The following CDH13 variants were observed in gnomAD, a reference collection of about 807,000 sequenced individuals.
CDH13 encodes cadherin-13.
In CDH13, 24 loss-of-function variants were observed where a neutral mutation model predicts 63.8. That is an observed-to-expected ratio of 0.38 (90% CI 0.27 to 0.53). The LOEUF (loss-of-function observed/expected upper bound fraction) is 0.53, where lower values mean the gene tolerates loss of function less well. CDH13 is among the 20% of genes least tolerant of loss of function. CDH13 has a pLI of 0.85. For synonymous variants in CDH13, 503 were observed against 355.3 expected (o/e 1.42, Z -4.67); for missense variants, 1,049 against 903.1 (o/e 1.16, Z -2.07).
chr16:82,795,126 G>C (rs1344612465), intron 1 of CDH13, among the ~76,000 whole-genome samples: 4 of 152,174 alleles, frequency 2.6e-5, no homozygotes, highest in African/African-American at 9.7e-5. Flanking sequence ...GTGTGGGAAG[G>C]AGTCCATCTT....
intron 6 of CDH13, chr16:83,398,097 C>T (rs890690362): frequency 7.7e-6 from 1 of 129,066 alleles, no homozygotes; most frequent in Admixed American, 7.5e-5. Flanking sequence ...GCAGAATCCC[C>T]AGGAGGATTT....
chr16:83,694,334 T>A (rs1905176139), intron 10 of CDH13, among the ~76,000 whole-genome samples: 1 of 152,128 alleles, frequency 6.6e-6, no homozygotes, highest in African/African-American at 2.4e-5. Flanking sequence ...CCTGCTGCAG[T>A]GGGAGAGAAT....
At chr16:83,634,445 G>T (rs1217602639) in intron 8 of CDH13, among the ~76,000 whole-genome samples, 1 of 150,578 alleles carries the variant, frequency 6.6e-6, no homozygotes, top group Non-Finnish European at 1.5e-5. Context: ...CAGCCACCCA[G>T]GCTGGAGTGC....
At chr16:82,640,198 C>T (rs953574042) in intron 1 of CDH13, among the ~76,000 whole-genome samples, 2 of 152,312 alleles carry the variant, frequency 1.3e-5, no homozygotes, top group South Asian at 2.1e-4. Flanking sequence ...GTCCACCACA[C>T]CCTCTTGGGA....
intron 1 of CDH13, among the ~76,000 whole-genome samples, chr16:82,706,677 G>A (rs956804487): frequency 2.0e-5 from 3 of 151,700 alleles, no homozygotes; most frequent in African/African-American, 7.3e-5. Flanking sequence ...GGTGGTGGGT[G>A]CCTGTAATCC....
intron 2 of CDH13, among the ~76,000 whole-genome samples, chr16:82,906,073 T>A (rs1456462271): frequency 6.6e-6 from 1 of 152,212 alleles, no homozygotes; most frequent in Non-Finnish European, 1.5e-5. Context: ...CTGTCATCGA[T>A]CTATCTACCT....
chr16:82,657,075 G>A (rs1243697517), intron 1 of CDH13, among the ~76,000 whole-genome samples: 1 of 152,048 alleles, frequency 6.6e-6, no homozygotes, highest in African/African-American at 2.4e-5. Flanking sequence ...TATAGATCTT[G>A]TATATATACA....
At chr16:82,893,157 C>G (rs2041141157) in intron 2 of CDH13, among the ~76,000 whole-genome samples, 1 of 152,200 alleles carries the variant, frequency 6.6e-6, no homozygotes, top group Admixed American at 6.5e-5. Context: ...AAGCAAACCT[C>G]AAACAGAGAA....
chr16:82,749,463 A>T (rs940886149), intron 1 of CDH13, among the ~76,000 whole-genome samples: 1 of 152,202 alleles, frequency 6.6e-6, no homozygotes, highest in East Asian at 1.9e-4. Flanking sequence ...TTCCCTTCAC[A>T]TATCTCCAGG....
intron 2 of CDH13, among the ~76,000 whole-genome samples, chr16:82,929,850 C>T (rs1277543021): frequency 6.6e-6 from 1 of 151,526 alleles, no homozygotes; most frequent in Non-Finnish European, 1.5e-5. Flanking sequence ...GACCAAGAAA[C>T]ATACCTGTAG....
In CDH13 at chr16:83,157,581, C is replaced by A. The variant is rs544750178; in HGVS notation, c.483+32080C>A. On this transcript the variant is annotated intron_variant, in intron 4 of 13. Coordinates refer to ENST00000567109, the MANE Select transcript of CDH13 (RefSeq NM_001257.5). ...CGCAAAAGGACCTAGCAGGAAAATA[C>A]CACATTGCCTAAGCAGTAAAGAAAT... Among the ~76,000 whole-genome samples the A allele has an allele frequency of 1.9e-3, 285 of 152,186 alleles. 2 individuals carry two copies. The highest frequency in any genetic ancestry group is 6.4e-3 in the African/African-American group (265 of 41,524).
At chr16:82,694,202 T>G (rs1375368906) in intron 1 of CDH13, among the ~76,000 whole-genome samples, 1 of 152,238 alleles carries the variant, frequency 6.6e-6, no homozygotes, top group African/African-American at 2.4e-5. Flanking sequence ...ATATGGATAC[T>G]TTTATAGAAG....
At chr16:83,468,227 G>T (rs1217046147) in intron 6 of CDH13, among the ~76,000 whole-genome samples, 2 of 152,152 alleles carry the variant, frequency 1.3e-5, no homozygotes, top group Non-Finnish European at 2.9e-5. Flanking sequence ...ATCCAGGTGG[G>T]CCCTGAATGC....
chr16:83,565,184 A>T (rs919954813), intron 7 of CDH13, among the ~76,000 whole-genome samples: 1 of 151,970 alleles, frequency 6.6e-6, no homozygotes, highest in African/African-American at 2.4e-5. Flanking sequence ...TAGAAAAGCA[A>T]TTCAGATCTC....
At chr16:83,082,248 C>G (rs1419543594) in intron 3 of CDH13, among the ~76,000 whole-genome samples, 1 of 152,202 alleles carries the variant, frequency 6.6e-6, no homozygotes, top group Non-Finnish European at 1.5e-5. Context: ...TTCTCACATG[C>G]AAAATGTATT....
rs1021200644 is a variant in CDH13, at chr16:83,799,505, C to T, written c.*4475C>T. On this transcript the variant is annotated 3_prime_UTR_variant, in exon 14 of 14. Coordinates refer to ENST00000567109, the MANE Select transcript of CDH13 (RefSeq NM_001257.5). ...TAGTTGCTGATTTTGTAAAGGTAGC[C>T]CATAAATCTGTTTACGTGTAGCTGC... is the stretch of plus-strand genomic sequence containing the variant. The T allele has an allele frequency of 6.6e-6, 1 of 151,916 alleles. No homozygotes were observed. The highest frequency in any genetic ancestry group is 6.6e-5 in the Admixed American group (1 of 15,244). 9.4% of individuals were successfully genotyped at this position (151,916 alleles called of 1,614,324 possible).
chr16:83,584,473 C>T (rs1234799562), intron 7 of CDH13, among the ~76,000 whole-genome samples: 18 of 152,134 alleles, frequency 1.2e-4, no homozygotes, highest in Admixed American at 9.2e-4. Context: ...AGTCTTTCTA[C>T]CCTGGAAATT....
At chr16:83,205,707 C>CAATT (rs2039163206) in intron 4 of CDH13, among the ~76,000 whole-genome samples, 2 of 148,908 alleles carry the variant, frequency 1.3e-5, no homozygotes, top group South Asian at 4.2e-4. Context: ...TGATTTCAAG[C>CAATT]GATTCCCCTG....
intron 1 of CDH13, among the ~76,000 whole-genome samples, chr16:82,661,357 C>T (rs541279757): frequency 1.4e-3 from 206 of 152,272 alleles, no homozygotes; most frequent in African/African-American, 4.5e-3. Flanking sequence ...CAGATAGGAA[C>T]GGGTAATTGA....
Sources: gnomAD v4.1 joint callset for allele counts (sites outside exome capture counted in the v4.1 genomes callset) on GRCh38, gnomAD v4.1.1 for gene constraint, MANE v1.5 for transcripts, NCBI Gene and HGNC (gene_info 2026-07-23, HGNC 2026-07-21) for gene names.